Variants in SEMA3A observed in about 807,000 individuals in gnomAD.
The protein encoded by SEMA3A is semaphorin-3A.
In SEMA3A, 29 loss-of-function variants were observed where a neutral mutation model predicts 97.9. The observed-to-expected ratio is 0.30, with a 90% CI of 0.22 to 0.40. SEMA3A has a LOEUF of 0.40. SEMA3A is among the 10% of genes least tolerant of loss of function. The pLI is 1.00. For synonymous variants in SEMA3A, 321 were observed against 323.7 expected (o/e 0.99, Z 0.09); for missense variants, 763 against 951.3 (o/e 0.80, Z 2.60).
chr7:84,029,643 ATT>A (rs1791666227), intron 6 of SEMA3A, among the ~76,000 whole-genome samples: 1 of 152,114 alleles, frequency 6.6e-6, no homozygotes, highest in Non-Finnish European at 1.5e-5. Flanking sequence ...CATAATTTAC[ATT>A]ATTATGCTTT....
At chr7:84,045,554 G>T (rs973820234) in intron 6 of SEMA3A, among the ~76,000 whole-genome samples, 1 of 151,544 alleles carries the variant, frequency 6.6e-6, no homozygotes, top group Non-Finnish European at 1.5e-5. Flanking sequence ...TAAAAGGATT[G>T]CTTAGTTAAA....
intron 1 of SEMA3A, among the ~76,000 whole-genome samples, chr7:84,374,448 C>G (rs945256998): frequency 2.0e-5 from 3 of 152,146 alleles, no homozygotes; most frequent in African/African-American, 7.2e-5. Flanking sequence ...CATACACTTA[C>G]ATTTTATGAA....
At chr7:84,457,676 T>A (rs1358804848) in intron 1 of SEMA3A, among the ~76,000 whole-genome samples, 1 of 151,986 alleles carries the variant, frequency 6.6e-6, no homozygotes, top group Non-Finnish European at 1.5e-5. Context: ...TGTAACATGA[T>A]GTAATTAACC....
At chr7:84,490,954 T>C (rs1380118366) in intron 1 of SEMA3A, among the ~76,000 whole-genome samples, 1 of 152,170 alleles carries the variant, frequency 6.6e-6, no homozygotes, top group African/African-American at 2.4e-5. Flanking sequence ...ATGCCAACGA[T>C]TGTCGGTTAA....
chr7:84,069,358 C>G (rs1200195098), intron 4 of SEMA3A, among the ~76,000 whole-genome samples: 1 of 152,072 alleles, frequency 6.6e-6, no homozygotes, highest in African/African-American at 2.4e-5. Flanking sequence ...GTTATAATGT[C>G]TACAAAATAC....
chr7:84,359,972 A>T (rs1023988377), intron 2 of SEMA3A, among the ~76,000 whole-genome samples: 1 of 149,254 alleles, frequency 6.7e-6, no homozygotes, highest in Non-Finnish European at 1.5e-5. Flanking sequence ...TTTCTGTGGG[A>T]TCGGCGGTGA....
chr7:84,357,222 T>C (rs886153374), intron 2 of SEMA3A, among the ~76,000 whole-genome samples: 1 of 151,990 alleles, frequency 6.6e-6, no homozygotes, highest in East Asian at 1.9e-4. Context: ...GTTGGTGTGC[T>C]GCACCCATTA....
At chr7:84,420,794 T>G (rs1804569072) in intron 1 of SEMA3A, among the ~76,000 whole-genome samples, 1 of 152,136 alleles carries the variant, frequency 6.6e-6, no homozygotes, top group South Asian at 2.1e-4. Context: ...TATATAGTAT[T>G]CTTGGATGGT....
chr7:84,128,379 A>T (rs2116016170), intron 3 of SEMA3A, among the ~76,000 whole-genome samples: 1 of 152,290 alleles, frequency 6.6e-6, no homozygotes, highest in East Asian at 1.9e-4. Flanking sequence ...ATTATGACTC[A>T]GAAATGGAAA....
chr7:84,308,814 CT>C (rs1405675661), intron 2 of SEMA3A, among the ~76,000 whole-genome samples: 1 of 71,426 alleles, frequency 1.4e-5, no homozygotes, highest in Non-Finnish European at 3.0e-5. Context: ...AGAAATATCA[CT>C]TTTTTTTTCT....
At chr7:84,357,584 C>T (rs189596846) in intron 2 of SEMA3A, among the ~76,000 whole-genome samples, 49 of 152,078 alleles carry the variant, frequency 3.2e-4, no homozygotes, top group Middle Eastern at 6.8e-3. Context: ...TGAATAGTGC[C>T]GCAATAAACA....
intron 4 of SEMA3A, among the ~76,000 whole-genome samples, chr7:84,080,973 T>A (rs1042934430): frequency 6.6e-6 from 1 of 151,954 alleles, no homozygotes; most frequent in Non-Finnish European, 1.5e-5. Flanking sequence ...AATATGAAAA[T>A]AGTAAAAATA....
intron 1 of SEMA3A, among the ~76,000 whole-genome samples, chr7:84,401,662 C>T (rs1029034836): frequency 7.2e-5 from 11 of 152,102 alleles, no homozygotes; most frequent in Admixed American, 2.0e-4. Flanking sequence ...AAAGCAGACA[C>T]ATAGACCAAT....
intron 2 of SEMA3A, among the ~76,000 whole-genome samples, chr7:84,319,404 G>T (rs1801592974): frequency 6.6e-6 from 1 of 151,796 alleles, no homozygotes; most frequent in African/African-American, 2.4e-5. Context: ...AACAGGAAGG[G>T]GGAAGGGGGT....
At chr7:84,482,868 T>TG (rs1342812524) in intron 1 of SEMA3A, among the ~76,000 whole-genome samples, 2 of 151,870 alleles carry the variant, frequency 1.3e-5, no homozygotes, top group African/African-American at 2.4e-5. Context: ...ATTCTAGTTT[T>TG]TTTTTTTTTT....
intron 6 of SEMA3A, among the ~76,000 whole-genome samples, chr7:84,038,609 G>A (rs1023640993): frequency 1.3e-5 from 2 of 151,992 alleles, no homozygotes; most frequent in Non-Finnish European, 2.9e-5. Flanking sequence ...TCTCCATGCT[G>A]TTAACAATCA....
chr7:84,481,929 C>A (rs1806457359), intron 1 of SEMA3A, among the ~76,000 whole-genome samples: 1 of 151,670 alleles, frequency 6.6e-6, no homozygotes, highest in Non-Finnish European at 1.5e-5. Context: ...TCATGATTGA[C>A]TGTAAGTCAC....
chr7:84,131,768 C>G (rs1795967641), intron 2 of SEMA3A, among the ~76,000 whole-genome samples: 1 of 121,564 alleles, frequency 8.2e-6, no homozygotes, highest in Admixed American at 9.8e-5. Context: ...TATGTATAAA[C>G]AAATTATTTA....
chr7:84,304,778 A>T lies in SEMA3A; in HGVS notation c.-83+2429T>A, dbSNP rs372816551. ...AAACTTATTCAATGACCATATAAAA[A>T]TAAATGCATTTAAACTTAAAATAGC... is the stretch of plus-strand genomic sequence containing the variant. On this transcript the variant is annotated intron_variant, in intron 3 of 3. Transcript: ENST00000424555. Among the ~76,000 whole-genome samples the T allele has an allele frequency of 2.6e-5, 4 of 152,158 alleles. No individual in the cohort carries two copies. In the East Asian group the frequency reaches 5.8e-4, roughly 22 times the overall value.
Sources: allele counts gnomAD v4.1 joint callset (sites outside exome capture counted in the v4.1 genomes callset), GRCh38; gene constraint gnomAD v4.1.1; transcripts MANE v1.5; gene names NCBI Gene and HGNC (gene_info 2026-07-23, HGNC 2026-07-21).